The following LBP variants were observed in gnomAD, a reference collection of about 807,000 sequenced individuals.
LBP encodes lipopolysaccharide binding protein, also known as lipopolysaccharide-binding protein.
In LBP, 53 loss-of-function variants were observed where a neutral mutation model predicts 56.6. The observed-to-expected ratio is 0.94, with a 90% CI of 0.75 to 1.18. The LOEUF is 1.18. Among genes scored for constraint, LBP ranks in the 50% most tolerant of loss-of-function variants. The pLI, the probability that LBP is intolerant of heterozygous loss-of-function variation, is 0.00. For synonymous variants in LBP, 227 were observed against 247.5 expected (o/e 0.92, Z 0.78); for missense variants, 601 against 598.3 (o/e 1.00, Z -0.05).
intron 13 of LBP, 72 bp from the exon 14 acceptor site, chr20:38,373,864 AT>A: frequency 7.4e-7 from 1 of 1,345,620 alleles, no homozygotes. Context: ...TGCAGAGAAC[AT>A]TTTCGGTAAA....
Position 38,368,999 on chromosome 20 carries a change from C to A in LBP, c.986C>A (p.Ala329Asp). 1 of 1,614,104 alleles carries A rather than the reference C, an allele frequency of 6.2e-7. No individual in the cohort carries two copies. Among genetic ancestry groups the A allele is most frequent in the Non-Finnish European group, 8.5e-7 (1 of 1,179,952 alleles). Reference sequence around the variant, plus strand: ...ATCTCCTAATTCTGCTCCCAGTTAGCCAGGCTCTACCCCAACATGAACCTG... The same window carrying A: ...ATCTCCTAATTCTGCTCCCAGTTAGACAGGCTCTACCCCAACATGAACCTG... ...KSFRPFVPRL[A>D]RLYPNMNLEL... Residue 329 changes from alanine to aspartate, a missense_variant, in exon 10 of 15, where the codon GCC (alanine) becomes GAC (aspartate). Transcript: ENST00000217407.
chr20:38,349,653 A>T lies in LBP; in HGVS notation c.230A>T (p.Glu77Val). Reference protein sequence around the residue: ...RIPHVGRGRYEFHSLNIHSCE... With the variant: ...RIPHVGRGRYVFHSLNIHSCE... The stretch of plus-strand genomic sequence containing the variant: ...CCCCACGTCGGCCGTGGGCGCTATG[A>T]GTTCCACAGGTGGGGCTCTCCCTTC... The change falls in exon 2 of 15, where the codon GAG becomes GTG. Residue 77 changes from glutamate to valine, a missense_variant. Glu to Val is a moderately radical substitution (Grantham distance 121). Coordinates refer to ENST00000217407, the MANE Select transcript of LBP (RefSeq NM_004139.5). 6.2e-7 allele frequency: 1 copy of T among 1,602,774 alleles called. No homozygotes were observed. Among genetic ancestry groups the T allele is most frequent in the East Asian group, 2.2e-5 (1 of 44,540 alleles).
chr20:38,353,479 CTTTTTTTTTTTTT>C (rs35504317), intron 3 of LBP, among the ~76,000 whole-genome samples: 2 of 69,100 alleles, frequency 2.9e-5, no homozygotes, highest in African/African-American at 9.4e-5. Flanking sequence ...AGGCTGCTTC[CTTTTTTTTTTTTT>C]TTTTTTTTTT....
rs557770581 is a variant in LBP, at chr20:38,346,680, C to A, written c.124+40C>A. ...CTGCTGGCTGGACTTGGCAAACCCA[C>A]GCTCCAGGCTGCTCTGGGTACAGTG... On this transcript the variant is annotated intron_variant, in intron 1 of 14. Coordinates refer to ENST00000217407, the MANE Select transcript of LBP (RefSeq NM_004139.5). 172 of 1,610,512 alleles carry A rather than the reference C, an allele frequency of 1.1e-4. 3 individuals are homozygous for A. In the South Asian group the frequency reaches 1.7e-3, roughly 16 times the overall value.
Position 38,354,370 on chromosome 20 carries a change from C to A in LBP, c.455C>A (p.Pro152His). The A allele has an allele frequency of 1.2e-6, 2 of 1,613,588 alleles. No individual in the cohort carries two copies. The highest frequency in any genetic ancestry group is 1.7e-5 in the Admixed American group (1 of 59,996). ...TTGGGCAGCGAGTCCTCCGGGAGGC[C>A]CACAGTTACTGCCTCCAGCTGCAGC... is the stretch of plus-strand genomic sequence containing the variant. ...LLLGSESSGR[P>H]TVTASSCSSD... Residue 152 changes from proline (P) to histidine (H), a missense_variant, in exon 4 of 15, where the codon CCC (proline) becomes CAC (histidine). Transcript: ENST00000217407.
rs779481950 is a variant in LBP at position 38,376,900 on chromosome 20, G to A, written c.*231G>A. ...CAGGAGGGACCACCCTCCCCGACTG[G>A]CCTGGGATATCTTTACAAGCAGGCA... On this transcript the variant is annotated 3_prime_UTR_variant, in exon 15 of 15. Transcript: ENST00000217407. The A allele has an allele frequency of 1.5e-6, 1 of 675,456 alleles. No homozygotes were observed. The highest frequency in any genetic ancestry group is 2.7e-6 in the Non-Finnish European group (1 of 367,050). 41.8% of individuals were successfully genotyped at this position (675,456 alleles called of 1,614,324 possible). A position where few individuals can be genotyped will look rare whatever the true frequency, so the allele number is the denominator to read the frequency against.
At chr20:38,353,073 C>T (rs1301983371) in intron 3 of LBP, among the ~76,000 whole-genome samples, 1 of 152,248 alleles carries the variant, frequency 6.6e-6, no homozygotes, top group African/African-American at 2.4e-5. Context: ...CTTACCCTGG[C>T]TTTTGTCACT....
At chr20:38,360,901 A>G (rs944927025) in intron 6 of LBP, 134 bp downstream of exon 6, 18 of 594,364 alleles carry the variant, frequency 3.0e-5, no homozygotes, top group Non-Finnish European at 3.1e-5. Context: ...AGCGGCTCAC[A>G]CCTGTAATCT....
At chr20:38,366,513 G>A (rs918646520) in intron 8 of LBP, among the ~76,000 whole-genome samples, 1 of 152,216 alleles carries the variant, frequency 6.6e-6, no homozygotes, top group African/African-American at 2.4e-5. Flanking sequence ...CGAAGTCTGT[G>A]TGACCGCAAA....
chr20:38,375,665 A>G (rs1819193804), intron 14 of LBP, among the ~76,000 whole-genome samples: 1 of 152,128 alleles, frequency 6.6e-6, no homozygotes, highest in South Asian at 2.1e-4. Context: ...GTGAAAAACT[A>G]TTTTCATTAT....
intron 3 of LBP, among the ~76,000 whole-genome samples, chr20:38,351,245 A>G (rs1291995760): frequency 1.3e-5 from 2 of 152,222 alleles, no homozygotes; most frequent in African/African-American, 4.8e-5. Context: ...TAGGGCAAGA[A>G]TTCCAGTGCA....
chr20:38,370,854 G>A (rs1466696131), intron 11 of LBP, 49 bp downstream of exon 11: 1 of 1,431,564 alleles, frequency 7.0e-7, no homozygotes, highest in South Asian at 1.1e-5. Context: ...GACTCCATCT[G>A]TATGCTGTAG....
At chr20:38,351,185 A>C (rs1041155759) in intron 3 of LBP, among the ~76,000 whole-genome samples, 4 of 152,242 alleles carry the variant, frequency 2.6e-5, no homozygotes, top group African/African-American at 9.6e-5. Context: ...GGGAGGGCTA[A>C]GTGCGGTAAT....
At chr20:38,370,404 G>T (rs1190606596) in intron 10 of LBP, among the ~76,000 whole-genome samples, 2 of 152,070 alleles carry the variant, frequency 1.3e-5, no homozygotes, top group Non-Finnish European at 2.9e-5. Context: ...TATTAATGTT[G>T]TTACTAGGGC....
chr20:38,352,189 C>T (rs768736627), intron 3 of LBP, among the ~76,000 whole-genome samples: 35 of 152,192 alleles, frequency 2.3e-4, no homozygotes, highest in Middle Eastern at 3.2e-3. Flanking sequence ...GGGCCTATCT[C>T]CAATACTGTG....
intron 14 of LBP, 118 bp from the exon 15 acceptor site, chr20:38,376,507 G>C: frequency 1.1e-6 from 1 of 914,576 alleles, no homozygotes; most frequent in Non-Finnish European, 1.8e-6. Context: ...TTTATGCACT[G>C]ACCTGGATTC....
intron 5 of LBP, among the ~76,000 whole-genome samples, chr20:38,358,538 C>T (rs940273246): frequency 5.3e-5 from 8 of 152,168 alleles, no homozygotes; most frequent in Non-Finnish European, 1.2e-4. Flanking sequence ...GGTTCCCTTG[C>T]AATCAACCAC....
chr20:38,371,142 C>T (rs1298315826), intron 11 of LBP, 138 bp from the exon 12 acceptor site: 2 of 658,058 alleles, frequency 3.0e-6, no homozygotes, highest in Non-Finnish European at 5.4e-6. Flanking sequence ...GTTCCTCAGT[C>T]ATCTTTTCCA....
chr20:38,369,710 T>C (rs1374496204), intron 10 of LBP, among the ~76,000 whole-genome samples: 1 of 152,160 alleles, frequency 6.6e-6, no homozygotes, highest in Non-Finnish European at 1.5e-5. Context: ...CTCCACTCTT[T>C]GTTCCTCTAG....
Sources: allele counts gnomAD v4.1 joint callset (sites outside exome capture counted in the v4.1 genomes callset), GRCh38; gene constraint gnomAD v4.1.1; transcripts MANE v1.5; gene names NCBI Gene and HGNC (gene_info 2026-07-23, HGNC 2026-07-21).